DGKI: variants seen among roughly 807,000 people sequenced by gnomAD.
DGKI encodes diacylglycerol kinase iota.
DGKI carries 55 observed loss-of-function variants against 147.5 expected under a neutral mutation model. That is an observed-to-expected ratio of 0.37 (90% CI 0.30 to 0.47). DGKI has a LOEUF of 0.47. DGKI is among the 20% of genes least tolerant of loss of function. DGKI has a pLI of 1.00. For missense variants in DGKI, 1,007 were observed against 1,323.8 expected, an observed-to-expected ratio of 0.76 and a Z score of 3.71; for synonymous variants, 469 against 477.1, an observed-to-expected ratio of 0.98 and a Z score of 0.22.
chr7:137,817,458 T>C (rs1422960074), intron 1 of DGKI, among the ~76,000 whole-genome samples: 3 of 152,222 alleles, frequency 2.0e-5, no homozygotes, highest in African/African-American at 7.2e-5. Context: ...GTGACGTACA[T>C]TCAATAATAA....
chr7:137,552,169 T>A (rs1818067655), intron 20 of DGKI, among the ~76,000 whole-genome samples, 200 bp downstream of exon 20: 1 of 152,186 alleles, frequency 6.6e-6, no homozygotes, highest in African/African-American at 2.4e-5. Flanking sequence ...TAATAACTAC[T>A]AAAAGAAGGG....
chr7:137,605,192 C>T (rs1293329498), intron 10 of DGKI, among the ~76,000 whole-genome samples: 1 of 151,924 alleles, frequency 6.6e-6, no homozygotes, highest in Admixed American at 6.6e-5. Context: ...CCTGTAATCC[C>T]AGCTACTTGG....
At chr7:137,493,108 C>T (rs2128938727) in intron 21 of DGKI, among the ~76,000 whole-genome samples, 1 of 152,334 alleles carries the variant, frequency 6.6e-6, no homozygotes, top group Non-Finnish European at 1.5e-5. Context: ...TGTGCCACTG[C>T]TGCCAGCATG....
At chr7:137,592,412 C>T (rs1011881684) in intron 12 of DGKI, among the ~76,000 whole-genome samples, 7 of 152,228 alleles carry the variant, frequency 4.6e-5, no homozygotes, top group East Asian at 1.9e-4. Flanking sequence ...CCAGGTCCTC[C>T]GCTTTGTCCC....
chr7:137,404,484 C>T (rs1811868779), intron 30 of DGKI, among the ~76,000 whole-genome samples: 1 of 152,168 alleles, frequency 6.6e-6, no homozygotes, highest in South Asian at 2.1e-4. Flanking sequence ...TGCCATCCAT[C>T]AAAAATGCGG....
intron 23 of DGKI, among the ~76,000 whole-genome samples, chr7:137,475,681 A>G (rs191755040): frequency 1.4e-4 from 21 of 152,214 alleles, no homozygotes; most frequent in Non-Finnish European, 2.8e-4. Flanking sequence ...CCATGTCGTT[A>G]AAGGGTGGCC....
intron 1 of DGKI, among the ~76,000 whole-genome samples, chr7:137,697,539 T>C (rs1271288286): frequency 6.6e-6 from 1 of 152,210 alleles, no homozygotes; most frequent in Non-Finnish European, 1.5e-5. Context: ...TTACACTCTA[T>C]CAGTGAATAA....
At chr7:137,483,097 C>CAATACATGCA (rs1563046751) in intron 23 of DGKI, among the ~76,000 whole-genome samples, 1 of 151,996 alleles carries the variant, frequency 6.6e-6, no homozygotes, top group African/African-American at 2.4e-5. Flanking sequence ...TATTACCAAA[C>CAATACATGCA]AATACATGCA....
rs753299296 is a variant in DGKI, at chr7:137,585,251, G to A, written c.1521C>T (p.Asn507=). The A allele has an allele frequency of 1.2e-6, 2 of 1,614,094 alleles. No individual in the cohort carries two copies. Among genetic ancestry groups the A allele is most frequent in the Admixed American group, 3.3e-5 (2 of 60,018 alleles). Residue 507 remains asparagine (N), a synonymous_variant, in exon 14 of 33, where the codon AAC becomes AAT. Transcript: ENST00000614521. The part of the protein sequence containing the change: ...LDRWNLHVER[N]PDLPPEELED... ...CAAGTTCTTCTGGAGGCAAGTCGGG[G>A]TTTCTTTCCACATGGAGGTTCCAGC...
At chr7:137,391,667 C>A (rs539058817) in intron 32 of DGKI, among the ~76,000 whole-genome samples, 4 of 152,006 alleles carry the variant, frequency 2.6e-5, no homozygotes, top group African/African-American at 9.7e-5. Flanking sequence ...TGGGGTAAAG[C>A]GAGTTTTGAA....
chr7:137,735,125 T>C (rs1273234439), intron 1 of DGKI, among the ~76,000 whole-genome samples: 1 of 152,134 alleles, frequency 6.6e-6, no homozygotes, highest in African/African-American at 2.4e-5. Context: ...TAGACTCATC[T>C]GTGTGAAAAA....
At chr7:137,734,252 G>A (rs1181351575) in intron 1 of DGKI, among the ~76,000 whole-genome samples, 1 of 152,038 alleles carries the variant, frequency 6.6e-6, no homozygotes, top group Non-Finnish European at 1.5e-5. Context: ...TAGAGTGGGA[G>A]CAGGGAGATC....
intron 28 of DGKI, among the ~76,000 whole-genome samples, chr7:137,433,054 A>G (rs2128912278): frequency 6.6e-6 from 1 of 152,330 alleles, no homozygotes. Flanking sequence ...ACCCAAAATG[A>G]ACCCAGAAAT....
intron 1 of DGKI, among the ~76,000 whole-genome samples, chr7:137,764,256 C>T (rs1795942868): frequency 6.7e-6 from 1 of 150,358 alleles, no homozygotes. Flanking sequence ...TTCCTGAGCA[C>T]ACCAGAATTA....
At chr7:137,454,695 A>C (rs1445277909) in intron 27 of DGKI, 1 of 152,178 alleles carries the variant, frequency 6.6e-6, no homozygotes, top group Non-Finnish European at 1.5e-5. Context: ...CTTTCTAAAA[A>C]AAAGGGTGAA....
Position 137,789,616 on chromosome 7 carries a change from G to GA in DGKI, c.401+56845dup, listed in dbSNP as rs766080292. Among the ~76,000 whole-genome samples, 309 of 150,444 alleles carry GA rather than the reference G, an allele frequency of 2.1e-3. 3 individuals are homozygous for GA. The highest frequency in any genetic ancestry group is 6.0e-3 in the African/African-American group (245 of 41,008). On this transcript the variant is annotated intron_variant, in intron 1 of 32. Transcript: ENST00000614521. ...CAAAGTGTATTTTTAAATGAAGGAG[G>GA]AAAAAAAAACACACAAAACATCAGC... is the stretch of plus-strand genomic sequence containing the variant.
In DGKI at chr7:137,843,398, G is replaced by A. The variant is rs374049606; in HGVS notation, c.401+3064C>T. On this transcript the variant is annotated intron_variant, in intron 1 of 32. Transcript: ENST00000614521. ...TTAAAAGAAAAGTACCAGCTCACTCGCACTGCCTTTTCAAACCTTCAGCTT... is the reference window on the plus strand; with the variant it reads ...TTAAAAGAAAAGTACCAGCTCACTCACACTGCCTTTTCAAACCTTCAGCTT... 5.6e-5 allele frequency: 55 copies of A among 984,682 alleles called. No individual in the cohort carries two copies. In the East Asian group the frequency reaches 1.1e-3, roughly 20 times the overall value. The allele number at this position is 984,682 out of a possible 1,614,324, so 61.0% of individuals were successfully genotyped here.
intron 21 of DGKI, among the ~76,000 whole-genome samples, chr7:137,520,060 C>A (rs917629421): frequency 1.3e-5 from 2 of 151,994 alleles, no homozygotes; most frequent in African/African-American, 4.8e-5. Flanking sequence ...AAGCCCTTGC[C>A]AGAAAATGTC....
chr7:137,540,076 C>CCT (rs772664240), intron 20 of DGKI, among the ~76,000 whole-genome samples: 7 of 152,200 alleles, frequency 4.6e-5, no homozygotes, highest in Non-Finnish European at 8.8e-5. Context: ...AGTCCTACAA[C>CCT]TCCTAAAGAG....
Sources: gnomAD v4.1 joint callset for allele counts (sites outside exome capture counted in the v4.1 genomes callset) on GRCh38, gnomAD v4.1.1 for gene constraint, MANE v1.5 for transcripts, NCBI Gene and HGNC (gene_info 2026-07-23, HGNC 2026-07-21) for gene names.